Variants in ZCCHC7 observed in about 807,000 individuals in gnomAD.
The protein encoded by ZCCHC7 is zinc finger CCHC-type containing 7.
A neutral mutation model predicts 52.0 loss-of-function variants in ZCCHC7; 35 were observed. The observed-to-expected ratio is 0.67, with a 90% CI of 0.51 to 0.89. The LOEUF (loss-of-function observed/expected upper bound fraction) is 0.89. Among genes scored for constraint, ZCCHC7 ranks in the 40% least tolerant of loss-of-function variants. ZCCHC7 has a pLI of 0.00. For synonymous variants in ZCCHC7, 217 were observed against 221.5 expected (o/e 0.98, Z 0.18); for missense variants, 574 against 649.1 (o/e 0.88, Z 1.26).
Position 37,269,618 on chromosome 9 carries a change from CAAAAAAAAA to C in ZCCHC7, c.611-32550_611-32542del, listed in dbSNP as rs1170865355. ...TGAGCAACAGAGTGAGACTCTGTCT[CAAAAAAAAA>C]AAAAAAAAAAAAAAAAAAACAAAAG... On this transcript the variant is annotated intron_variant, in intron 2 of 8. Coordinates refer to ENST00000336755, the MANE Select transcript of ZCCHC7 (RefSeq NM_032226.3). Among the ~76,000 whole-genome samples the C allele has an allele frequency of 3.3e-4, 9 of 27,228 alleles. No homozygotes were observed. The East Asian group carries it at 6.8e-3, about 21-fold the overall frequency. The allele number at this position is 27,228 out of a possible 152,430, so 17.9% of individuals were successfully genotyped here.
At chr9:37,323,444 G>A (rs1375876194) in intron 5 of ZCCHC7, among the ~76,000 whole-genome samples, 1 of 152,036 alleles carries the variant, frequency 6.6e-6, no homozygotes, top group East Asian at 1.9e-4. Flanking sequence ...TTTGACCTTG[G>A]GTGGAAAGAT....
At chr9:37,160,750 G>A (rs1429079960) in intron 2 of ZCCHC7, among the ~76,000 whole-genome samples, 1 of 152,018 alleles carries the variant, frequency 6.6e-6, no homozygotes, top group Non-Finnish European at 1.5e-5. Context: ...GCCGGGTGTA[G>A]TAGCTGGTGC....
chr9:37,354,522 A>G lies in ZCCHC7; in HGVS notation c.1084-188A>G, dbSNP rs1821579252. 6.6e-6 allele frequency among the ~76,000 whole-genome samples: 1 copy of G among 152,198 alleles called. No homozygotes were observed. Among genetic ancestry groups the G allele is most frequent in the South Asian group, 2.1e-4 (1 of 4,824 alleles). On this transcript the variant is annotated intron_variant, in intron 7 of 8. Transcript: ENST00000336755. The surrounding 1 kb of genome is among the most constrained non-coding windows in gnomAD (Gnocchi z 4.0). ...GAAGAAAACTCAAGCTTGAAAGAAT[A>G]TCATAACACAGTGGGGTTTAGGGCT... is the stretch of plus-strand genomic sequence containing the variant.
chr9:37,288,000 T>A (rs1451449322), intron 2 of ZCCHC7, among the ~76,000 whole-genome samples: 1 of 151,946 alleles, frequency 6.6e-6, no homozygotes, highest in South Asian at 2.1e-4. Context: ...GTCTAGAGGC[T>A]GGGTGCAGTG....
intron 2 of ZCCHC7, among the ~76,000 whole-genome samples, chr9:37,193,812 C>A (rs758842198): frequency 6.6e-6 from 1 of 152,142 alleles, no homozygotes; most frequent in Non-Finnish European, 1.5e-5. Flanking sequence ...AAAAATTTGT[C>A]CGCCTTCAGG....
intron 2 of ZCCHC7, among the ~76,000 whole-genome samples, chr9:37,269,618 C>CAAAAAAAAAAAA (rs1170865355): frequency 1.2e-3 from 32 of 27,226 alleles, no homozygotes; most frequent in Non-Finnish European, 1.9e-3. Context: ...GACTCTGTCT[C>CAAAAAAAAAAAA]AAAAAAAAAA....
At chr9:37,306,763 T>A (rs1829338708) in intron 5 of ZCCHC7, among the ~76,000 whole-genome samples, 1 of 8,786 alleles carries the variant, frequency 1.1e-4, no homozygotes, top group Non-Finnish European at 2.5e-4. Context: ...GTACCCGACC[T>A]TTTTTTTTTT....
intron 2 of ZCCHC7, among the ~76,000 whole-genome samples, chr9:37,184,826 A>G (rs1300697562): frequency 7.2e-5 from 11 of 152,124 alleles, no homozygotes; most frequent in African/African-American, 2.2e-4. Flanking sequence ...GGAGAGGTCT[A>G]TTGTAACTTC....
At chr9:37,135,273 G>T (rs1243862814) in intron 2 of ZCCHC7, among the ~76,000 whole-genome samples, 2 of 152,144 alleles carry the variant, frequency 1.3e-5, no homozygotes, top group Non-Finnish European at 2.9e-5. Context: ...TAATGCACTT[G>T]TTACAGTCTT....
intron 2 of ZCCHC7, among the ~76,000 whole-genome samples, chr9:37,166,379 A>G (rs541862863): frequency 1.9e-4 from 29 of 152,228 alleles, no homozygotes; most frequent in African/African-American, 7.0e-4. Flanking sequence ...CCTGGGTGAC[A>G]GAGCAAGACT....
chr9:37,162,763 T>TGGA (rs1220876016), intron 2 of ZCCHC7, among the ~76,000 whole-genome samples: 1 of 152,172 alleles, frequency 6.6e-6, no homozygotes, highest in East Asian at 1.9e-4. Context: ...ATATGTGTGT[T>TGGA]TATCTTTCGA....
intron 2 of ZCCHC7, among the ~76,000 whole-genome samples, chr9:37,241,549 G>A (rs961862941): frequency 1.3e-5 from 2 of 151,868 alleles, no homozygotes; most frequent in African/African-American, 4.8e-5. Context: ...GCTGATTCAG[G>A]AAGTAAGGTT....
intron 6 of ZCCHC7, among the ~76,000 whole-genome samples, chr9:37,338,913 C>T (rs904349517): frequency 6.6e-6 from 1 of 152,034 alleles, no homozygotes; most frequent in Non-Finnish European, 1.5e-5. Context: ...ATGATGTAAT[C>T]ACCCGATAGA....
intron 2 of ZCCHC7, among the ~76,000 whole-genome samples, chr9:37,220,810 A>G (rs1299347849): frequency 1.3e-5 from 2 of 152,198 alleles, no homozygotes; most frequent in African/African-American, 4.8e-5. Flanking sequence ...ATGAAGAACA[A>G]TGAGGAGAGA....
intron 2 of ZCCHC7, among the ~76,000 whole-genome samples, chr9:37,283,188 C>T (rs1205158997): frequency 4.6e-5 from 7 of 151,926 alleles, no homozygotes; most frequent in Admixed American, 3.3e-4. Context: ...ATTGACAGCA[C>T]AATACTTTTC....
intron 2 of ZCCHC7, among the ~76,000 whole-genome samples, chr9:37,210,968 T>C (rs552907827): frequency 6.6e-6 from 1 of 152,336 alleles, no homozygotes; most frequent in South Asian, 2.1e-4. Flanking sequence ...CCTAGGGCCT[T>C]ATACTTAAAC....
chr9:37,302,197 G>GT lies in ZCCHC7; in HGVS notation c.621dup (p.Ile208TyrfsTer7). The GT allele has an allele frequency of 6.2e-7, 1 of 1,608,740 alleles. No homozygotes were observed. The highest frequency in any genetic ancestry group is 8.5e-7 in the Non-Finnish European group (1 of 1,176,930). On this transcript the variant is annotated frameshift_variant, in exon 3 of 9. Transcript: ENST00000336755. LOFTEE classifies it high-confidence loss of function. ...TTTATTTGTTTTGTAGGAGAAGATG[G>GT]TATAAACTGGTCCATCAGTGACAAA...
At chr9:37,324,184 C>T (rs1271843279) in intron 5 of ZCCHC7, among the ~76,000 whole-genome samples, 2 of 152,276 alleles carry the variant, frequency 1.3e-5, no homozygotes, top group East Asian at 1.9e-4. Context: ...ACAACAGAGG[C>T]TTTGACAAAG....
intron 2 of ZCCHC7, among the ~76,000 whole-genome samples, chr9:37,262,297 A>C (rs1326046724): frequency 6.6e-6 from 1 of 152,184 alleles, no homozygotes; most frequent in Non-Finnish European, 1.5e-5. Context: ...TGAAGTATAA[A>C]AAGATAGTAA....
Sources: allele counts gnomAD v4.1 joint callset (sites outside exome capture counted in the v4.1 genomes callset), GRCh38; gene constraint gnomAD v4.1.1; non-coding constraint Gnocchi (gnomAD v3.1); transcripts MANE v1.5; gene names NCBI Gene and HGNC (gene_info 2026-07-23, HGNC 2026-07-21).